Variants in CTNNA2 observed in about 807,000 individuals in gnomAD.
CTNNA2 encodes catenin alpha-2.
In CTNNA2, 42 loss-of-function variants were observed where a neutral mutation model predicts 101.0. The ratio of observed to expected loss-of-function variants is 0.42; its 90% CI spans 0.32 to 0.54. The LOEUF (loss-of-function observed/expected upper bound fraction) is 0.54, where lower values mean the gene tolerates loss of function less well. Among genes scored for constraint, CTNNA2 ranks in the 20% least tolerant of loss-of-function variants. The pLI is 0.14. For synonymous variants in CTNNA2, 450 were observed against 456.4 expected, an observed-to-expected ratio of 0.99 and a Z score of 0.18; for missense variants, 871 against 1,223.1, an observed-to-expected ratio of 0.71 and a Z score of 4.29.
intron 4 of CTNNA2, among the ~76,000 whole-genome samples, chr2:79,481,723 A>T (rs1270911010): frequency 6.6e-6 from 1 of 152,190 alleles, no homozygotes; most frequent in Non-Finnish European, 1.5e-5. Flanking sequence ...GTATATATTA[A>T]ATATGTGCAG....
chr2:80,303,531 C>A lies in CTNNA2; in HGVS notation c.1057-89680C>A. 1 of 1,614,208 alleles carries A rather than the reference C, an allele frequency of 6.2e-7. No individual in the cohort carries two copies. The highest frequency in any genetic ancestry group is 8.5e-7 in the Non-Finnish European group (1 of 1,180,046). ...TGCACGGAGCAGATGTGATTGTGATCCAGATAGAGCCACGTGAGCTGCATT... is the reference window on the plus strand; with the variant it reads ...TGCACGGAGCAGATGTGATTGTGATACAGATAGAGCCACGTGAGCTGCATT... On this transcript the variant is annotated intron_variant, in intron 7 of 18. Coordinates refer to ENST00000402739, the MANE Select transcript of CTNNA2 (RefSeq NM_001282597.3). This position sits in a 1 kb window ranked among gnomAD's most constrained non-coding sequence, Gnocchi z 7.7.
chr2:80,366,847 C>G (rs1030654325), intron 7 of CTNNA2, among the ~76,000 whole-genome samples: 1 of 152,004 alleles, frequency 6.6e-6, no homozygotes, highest in African/African-American at 2.4e-5. Context: ...CCAAGGTGGT[C>G]GAGGCACAAC....
At chr2:79,241,632 G>T (rs1055845571) in intron 2 of CTNNA2, among the ~76,000 whole-genome samples, 1 of 152,132 alleles carries the variant, frequency 6.6e-6, no homozygotes, top group Non-Finnish European at 1.5e-5. Context: ...CCAAGAATTG[G>T]AAGTTTTAAG....
chr2:79,962,943 C>T (rs1276472287), intron 7 of CTNNA2, among the ~76,000 whole-genome samples: 11 of 150,766 alleles, frequency 7.3e-5, no homozygotes, highest in Non-Finnish European at 1.0e-4. Context: ...TAGTGGCGGG[C>T]GCCTGTAGTC....
intron 7 of CTNNA2, among the ~76,000 whole-genome samples, chr2:79,922,893 T>G (rs1253910695): frequency 6.6e-6 from 1 of 152,166 alleles, no homozygotes; most frequent in South Asian, 2.1e-4. Context: ...TTAATGAATC[T>G]AGAGACAACA....
At chr2:80,387,261 C>A (rs1478315925) in intron 7 of CTNNA2, among the ~76,000 whole-genome samples, 2 of 151,914 alleles carry the variant, frequency 1.3e-5, no homozygotes, top group Non-Finnish European at 2.9e-5. Context: ...TGCACTCCAG[C>A]CTGGGCAATA....
intron 2 of CTNNA2, among the ~76,000 whole-genome samples, chr2:79,280,471 G>A (rs553599465): frequency 6.1e-4 from 93 of 152,096 alleles, no homozygotes; most frequent in African/African-American, 2.1e-3. Flanking sequence ...GGGTATGATG[G>A]AAAAAATATC....
At chr2:80,345,151 C>T (rs28685295) in intron 7 of CTNNA2, among the ~76,000 whole-genome samples, 8,957 of 152,184 alleles carry the variant, frequency 0.059, 523 homozygotes, top group African/African-American at 0.14. Flanking sequence ...TTCTCAAAAC[C>T]CTCCAGTGGT....
intron 8 of CTNNA2, among the ~76,000 whole-genome samples, chr2:80,408,709 G>C (rs911203931): frequency 6.6e-6 from 1 of 152,170 alleles, no homozygotes; most frequent in African/African-American, 2.4e-5. Context: ...GGGACATAAG[G>C]CTGGGAGTAA....
intron 7 of CTNNA2, among the ~76,000 whole-genome samples, chr2:80,324,773 C>T (rs938230033): frequency 6.6e-6 from 1 of 151,792 alleles, no homozygotes; most frequent in African/African-American, 2.4e-5. Context: ...TGGTTTTATT[C>T]CAGACACACT....
chr2:79,484,240 CAATAA>C (rs55759210), intron 4 of CTNNA2, among the ~76,000 whole-genome samples: 6 of 151,528 alleles, frequency 4.0e-5, no homozygotes, highest in Admixed American at 2.6e-4. Flanking sequence ...GACCCTGTCA[CAATAA>C]AATAAAATAA....
chr2:79,702,358 G>C (rs1475649912), intron 2 of CTNNA2, among the ~76,000 whole-genome samples: 1 of 151,928 alleles, frequency 6.6e-6, no homozygotes, highest in Non-Finnish European at 1.5e-5. Context: ...TTTTCATGTT[G>C]TATATGGCTA....
intron 3 of CTNNA2, among the ~76,000 whole-genome samples, chr2:79,338,503 C>T (rs1032671800): frequency 2.0e-5 from 3 of 151,928 alleles, no homozygotes; most frequent in African/African-American, 7.3e-5. Context: ...AGTGAAAAAG[C>T]CATGTCAGGG....
At chr2:79,829,779 G>A (rs1678778193) in intron 3 of CTNNA2, among the ~76,000 whole-genome samples, 1 of 150,966 alleles carries the variant, frequency 6.6e-6, no homozygotes. Context: ...GAGTGCAGTG[G>A]CGCAATCTCG....
intron 3 of CTNNA2, among the ~76,000 whole-genome samples, chr2:79,828,338 CATTTT>C (rs561101362): frequency 1.3e-5 from 2 of 152,132 alleles, no homozygotes; most frequent in African/African-American, 4.8e-5. Context: ...ATTATTATGA[CATTTT>C]ATTTTTGTCC....
chr2:80,041,397 T>TATAC (rs1696044105), intron 7 of CTNNA2, among the ~76,000 whole-genome samples: 1 of 152,174 alleles, frequency 6.6e-6, no homozygotes, highest in Non-Finnish European at 1.5e-5. Flanking sequence ...TAATGGATGC[T>TATAC]GTATACACAA....
chr2:79,591,908 A>T (rs1408246593), intron 1 of CTNNA2, among the ~76,000 whole-genome samples: 34 of 132,050 alleles, frequency 2.6e-4, no homozygotes, highest in African/African-American at 8.1e-4. Context: ...TGAAAAAAAA[A>T]TTTTTTTTTT....
chr2:79,654,774 G>C (rs17783140), intron 2 of CTNNA2, among the ~76,000 whole-genome samples: 1 of 151,728 alleles, frequency 6.6e-6, no homozygotes, highest in Non-Finnish European at 1.5e-5. Flanking sequence ...ACTCTTGTTA[G>C]TTCTATAAAA....
chr2:80,041,960 T>G (rs1419455958), intron 7 of CTNNA2, among the ~76,000 whole-genome samples: 1 of 152,150 alleles, frequency 6.6e-6, no homozygotes, highest in Non-Finnish European at 1.5e-5. Flanking sequence ...CTGTGTTTTT[T>G]TGTTGGTTTT....
Sources: allele counts gnomAD v4.1 joint callset (sites outside exome capture counted in the v4.1 genomes callset), GRCh38; gene constraint gnomAD v4.1.1; non-coding constraint Gnocchi (gnomAD v3.1); transcripts MANE v1.5; gene names NCBI Gene and HGNC (gene_info 2026-07-23, HGNC 2026-07-21).